The following AGAP1 variants were observed in gnomAD, a reference collection of about 807,000 sequenced individuals.
The protein encoded by AGAP1 is arf-GAP with GTPase, ANK repeat and PH domain-containing protein 1.
Under a neutral mutation model 105.3 loss-of-function variants are expected in AGAP1, and 29 were observed. The ratio of observed to expected loss-of-function variants is 0.28; its 90% CI spans 0.21 to 0.38. AGAP1 has a LOEUF of 0.38. AGAP1 is among the 10% of genes least tolerant of loss of function. The probability of loss-of-function intolerance (pLI) is 1.00; values close to 1 mark genes in which losing one functional copy is unlikely to be tolerated. For missense variants in AGAP1, 998 were observed against 1,165.1 expected, an observed-to-expected ratio of 0.86 and a Z score of 2.09; for synonymous variants, 509 against 485.9, an observed-to-expected ratio of 1.05 and a Z score of -0.63.
At chr2:235,709,763 G>A (rs1209546953) in intron 2 of AGAP1, among the ~76,000 whole-genome samples, 7 of 152,086 alleles carry the variant, frequency 4.6e-5, no homozygotes, top group Admixed American at 1.3e-4. Flanking sequence ...TTACCCTTTC[G>A]GTGAAATTAT....
rs1198999958 is a variant in AGAP1 at position 235,557,020 on chromosome 2, G to T, written c.163+62171G>T. Among the ~76,000 whole-genome samples, 2 of 152,210 alleles carry T rather than the reference G, an allele frequency of 1.3e-5. No individual in the cohort carries two copies. The highest frequency in any genetic ancestry group is 3.9e-4 in the East Asian group (2 of 5,190). ...CTCAGGGCTTTCTGGAGGTTGGGGGGCGGATCCCGAAGGCAGACTTGGCCT... is the reference window on the plus strand; with the variant it reads ...CTCAGGGCTTTCTGGAGGTTGGGGGTCGGATCCCGAAGGCAGACTTGGCCT... On this transcript the variant is annotated intron_variant, in intron 1 of 17. Transcript: ENST00000304032. This position sits in a 1 kb window ranked among gnomAD's most constrained non-coding sequence, Gnocchi z 4.7.
At chr2:235,829,194 C>T (rs1246362311) in intron 9 of AGAP1, among the ~76,000 whole-genome samples, 1 of 152,258 alleles carries the variant, frequency 6.6e-6, no homozygotes, top group African/African-American at 2.4e-5. Flanking sequence ...CAGGCAGCCT[C>T]TGTGCATCCC....
intron 15 of AGAP1, among the ~76,000 whole-genome samples, chr2:236,047,488 G>C (rs1368180023): frequency 6.6e-6 from 1 of 150,698 alleles, no homozygotes; most frequent in Non-Finnish European, 1.5e-5. Flanking sequence ...TCAGCGTTGA[G>C]TCTCTGCATT....
intron 1 of AGAP1, among the ~76,000 whole-genome samples, chr2:235,707,036 A>G (rs151260517): frequency 5.9e-5 from 9 of 152,336 alleles, no homozygotes; most frequent in South Asian, 2.1e-4. Flanking sequence ...TCCACGGGTA[A>G]TGTTTGTCTG....
intron 6 of AGAP1, among the ~76,000 whole-genome samples, chr2:235,791,359 T>C (rs189886038): frequency 6.6e-6 from 1 of 152,310 alleles, no homozygotes; most frequent in African/African-American, 2.4e-5. Flanking sequence ...TCATTATTTA[T>C]GGGAGGGTCT....
In AGAP1 at chr2:235,797,861, A is replaced by C; in HGVS notation, c.776A>C (p.Gln259Pro). The change falls in exon 7 of 18, where the codon CAG becomes CCG. Residue 259 changes from glutamine (Q) to proline (P), a missense_variant. Physicochemically the swap from Gln to Pro is moderately conservative, Grantham distance 76. This residue lies in a region of AGAP1 where 735 missense variants were observed against 833.4 expected (regional missense o/e 0.88). Coordinates refer to ENST00000304032, the MANE Select transcript of AGAP1 (RefSeq NM_001037131.3). ...AGCCATTCCTCCGTCTGTTCCGCGC[A>C]GGTGTCTGCCGTGCACATCAGCCAG... ...SPSHSSVCSA[Q>P]VSAVHISQTS... 2 of 1,614,192 alleles carry C rather than the reference A, an allele frequency of 1.2e-6. No individual in the cohort carries two copies. Among genetic ancestry groups the C allele is most frequent in the Non-Finnish European group, 1.7e-6 (2 of 1,180,036 alleles).
At position 235,658,577 on chromosome 2, in the gene AGAP1, C is replaced by A. The variant is rs962161269; in HGVS notation, c.164-50602C>A. Among the ~76,000 whole-genome samples the A allele has an allele frequency of 7.2e-5, 11 of 152,134 alleles. 1 individual carries two copies. In the South Asian group the frequency reaches 1.9e-3, roughly 26 times the overall value. ...GTGAGAGGGTGCTGGGGGCACGTGC[C>A]CAGCAGGGGTGGAGGGGTGGACAGG... On this transcript the variant is annotated intron_variant, in intron 1 of 17. Transcript: ENST00000304032.
rs1250858197 is a variant in AGAP1, at chr2:236,078,295, TG to T, written c.2114+29015del. ...TTTCATCATCACGAAACCTGTTTTT[TG>T]CTCTTTGGGCTCTCACCTGATGGGA... On this transcript the variant is annotated intron_variant, in intron 16 of 17. Transcript: ENST00000304032. The surrounding 1 kb of genome is among the most constrained non-coding windows in gnomAD (Gnocchi z 5.3). Among the ~76,000 whole-genome samples the T allele has an allele frequency of 2.0e-5, 3 of 152,174 alleles. No individual in the cohort carries two copies. The highest frequency in any genetic ancestry group is 4.4e-5 in the Non-Finnish European group (3 of 68,032).
chr2:236,014,753 C>A lies in AGAP1; in HGVS notation c.1646-21808C>A. 3 of 398,352 alleles carry A rather than the reference C, an allele frequency of 7.5e-6. No individual in the cohort carries two copies. Among genetic ancestry groups the A allele is most frequent in the South Asian group, 3.8e-5 (2 of 53,024 alleles). The allele number at this position is 398,352 out of a possible 1,614,324, so 24.7% of individuals were successfully genotyped here. ...TCCCCTTTTCATTTGTTTTCTTTTC[C>A]TTTTTGTTTTCTCTCTTTTTCCCCT... On this transcript the variant is annotated intron_variant, in intron 13 of 17. Transcript: ENST00000304032. This position sits in a 1 kb window ranked among gnomAD's most constrained non-coding sequence, Gnocchi z 6.3.
At position 236,095,088 on chromosome 2, in the gene AGAP1, C is replaced by G. The variant is rs2059159272; in HGVS notation, c.2115-25104C>G. Reference sequence around the variant, plus strand: ...TACTTTAGCCTTGGTGAGAGTGAGACACTGTCTCAAAAAAGTTGTGGGGGC... The same window carrying G: ...TACTTTAGCCTTGGTGAGAGTGAGAGACTGTCTCAAAAAAGTTGTGGGGGC... On this transcript the variant is annotated intron_variant, in intron 16 of 17. Transcript: ENST00000304032. The surrounding 1 kb of genome is among the most constrained non-coding windows in gnomAD (Gnocchi z 4.1). 1.3e-5 allele frequency among the ~76,000 whole-genome samples: 2 copies of G among 149,794 alleles called. No individual in the cohort carries two copies. The highest frequency in any genetic ancestry group is 1.3e-4 in the Admixed American group (2 of 14,948).
intron 1 of AGAP1, among the ~76,000 whole-genome samples, chr2:235,695,540 T>C (rs1949955067): frequency 6.6e-6 from 1 of 152,194 alleles, no homozygotes; most frequent in Non-Finnish European, 1.5e-5. Flanking sequence ...GTGTTTGTGC[T>C]CAGTATATTA....
At position 236,045,184 on chromosome 2, in the gene AGAP1, G is replaced by A. The variant is rs2057680047; in HGVS notation, c.1892-3875G>A. ...TCCCCCATTGACCTCCCAAAGTGCT[G>A]GGATTATAGGCAGGAGCCACTGTGC... is the stretch of plus-strand genomic sequence containing the variant. On this transcript the variant is annotated intron_variant, in intron 15 of 17. Coordinates refer to ENST00000304032, the MANE Select transcript of AGAP1 (RefSeq NM_001037131.3). This position sits in a 1 kb window ranked among gnomAD's most constrained non-coding sequence, Gnocchi z 6.9. Among the ~76,000 whole-genome samples, 1 of 152,162 alleles carries A rather than the reference G, an allele frequency of 6.6e-6. No homozygotes were observed. Among genetic ancestry groups the A allele is most frequent in the Admixed American group, 6.5e-5 (1 of 15,282 alleles).
Position 235,740,848 on chromosome 2 carries a change from G to A in AGAP1, c.311-115G>A, listed in dbSNP as rs1952537745. Reference sequence around the variant, plus strand: ...TTGCTGGCAACATCCTAAATACTCAGTTGCCTCCAGGGCGACAGCCTAGGG... The same window carrying A: ...TTGCTGGCAACATCCTAAATACTCAATTGCCTCCAGGGCGACAGCCTAGGG... On this transcript the variant is annotated intron_variant, in intron 3 of 17. Coordinates refer to ENST00000304032, the MANE Select transcript of AGAP1 (RefSeq NM_001037131.3). This position sits in a 1 kb window ranked among gnomAD's most constrained non-coding sequence, Gnocchi z 5.7. The A allele has an allele frequency of 8.4e-7, 1 of 1,190,318 alleles. No individual in the cohort carries two copies. Among genetic ancestry groups the A allele is most frequent in the East Asian group, 2.4e-5 (1 of 41,676 alleles). The allele number at this position is 1,190,318 out of a possible 1,614,324, so 73.7% of individuals were successfully genotyped here.
In AGAP1 at chr2:236,035,911, T is replaced by G. The variant is rs1470500805; in HGVS notation, c.1646-650T>G. On this transcript the variant is annotated intron_variant, in intron 13 of 17. Transcript: ENST00000304032. The surrounding 1 kb of genome is among the most constrained non-coding windows in gnomAD (Gnocchi z 4.2). Reference sequence around the variant, plus strand: ...AGGAACTTGCCCAAAGACTTAGATGTGGCAGGTGGGGTCGCAGGGTATACC... The same window carrying G: ...AGGAACTTGCCCAAAGACTTAGATGGGGCAGGTGGGGTCGCAGGGTATACC... Among the ~76,000 whole-genome samples the G allele has an allele frequency of 6.6e-6, 1 of 152,076 alleles. No individual in the cohort carries two copies. Among genetic ancestry groups the G allele is most frequent in the Admixed American group, 6.5e-5 (1 of 15,280 alleles).
chr2:235,799,602 C>T lies in AGAP1; in HGVS notation c.957+80C>T. The T allele has an allele frequency of 6.8e-7, 1 of 1,464,296 alleles. No homozygotes were observed. The highest frequency in any genetic ancestry group is 9.4e-7 in the Non-Finnish European group (1 of 1,065,558). 90.7% of individuals were successfully genotyped at this position (1,464,296 alleles called of 1,614,324 possible). ...ACGTAAACCTGGTTGCCACATGGTT[C>T]AGTGGTATTTGTAGAATCTCAACTA... On this transcript the variant is annotated intron_variant, in intron 8 of 17. Coordinates refer to ENST00000304032, the MANE Select transcript of AGAP1 (RefSeq NM_001037131.3). The surrounding 1 kb of genome is among the most constrained non-coding windows in gnomAD (Gnocchi z 5.0).
At chr2:235,913,244 TA>T (rs896135550) in intron 11 of AGAP1, among the ~76,000 whole-genome samples, 7 of 152,146 alleles carry the variant, frequency 4.6e-5, no homozygotes, top group African/African-American at 1.7e-4. Context: ...TTTTTTCCCT[TA>T]AAAAATATAT....
At chr2:235,809,683 T>A (rs769510983) in intron 9 of AGAP1, among the ~76,000 whole-genome samples, 2 of 152,186 alleles carry the variant, frequency 1.3e-5, no homozygotes, top group Non-Finnish European at 2.9e-5. Flanking sequence ...TATCGATCTA[T>A]CTCACATCCC....
In AGAP1 at chr2:235,992,023, C is replaced by T. The variant is rs1334001307; in HGVS notation, c.1645+23400C>T. Among the ~76,000 whole-genome samples, 2 of 152,212 alleles carry T rather than the reference C, an allele frequency of 1.3e-5. No individual in the cohort carries two copies. Among genetic ancestry groups the T allele is most frequent in the African/African-American group, 2.4e-5 (1 of 41,458 alleles). On this transcript the variant is annotated intron_variant, in intron 13 of 17. Coordinates refer to ENST00000304032, the MANE Select transcript of AGAP1 (RefSeq NM_001037131.3). This position sits in a 1 kb window ranked among gnomAD's most constrained non-coding sequence, Gnocchi z 4.8. ...CATTTCTCTCTCATCTGTGAAGGCC[C>T]GTTGAGACTGCTCAGTTGGTGTCTC...
chr2:235,756,779 T>C (rs1004064963), intron 6 of AGAP1, among the ~76,000 whole-genome samples: 29 of 152,126 alleles, frequency 1.9e-4, no homozygotes, highest in African/African-American at 6.8e-4. Flanking sequence ...TGTGCATGCG[T>C]GAGATCTAGG....
Sources: gnomAD v4.1 joint callset for allele counts (sites outside exome capture counted in the v4.1 genomes callset) on GRCh38, gnomAD v4.1.1 for gene constraint, gnomAD v4.1.1 regional missense constraint, Gnocchi (gnomAD v3.1) non-coding constraint, MANE v1.5 for transcripts, NCBI Gene and HGNC (gene_info 2026-07-23, HGNC 2026-07-21) for gene names.